Variants in WDR47 observed in about 807,000 individuals in gnomAD.
WDR47 encodes WD repeat-containing protein 47.
Under a neutral mutation model 97.2 loss-of-function variants are expected in WDR47, and 32 were observed. The observed-to-expected ratio is 0.33, with a 90% confidence interval of 0.25 to 0.44. WDR47 has a LOEUF of 0.44. Ranked by LOEUF, WDR47 falls within the 20% of genes least tolerant of loss-of-function variation. The pLI is 1.00. For missense variants in WDR47, 782 were observed against 1,102.3 expected, an observed-to-expected ratio of 0.71 and a Z score of 4.11; for synonymous variants, 375 against 373.5, an observed-to-expected ratio of 1.00 and a Z score of -0.05.
intron 1 of WDR47, among the ~76,000 whole-genome samples, chr1:109,028,362 G>GTTTGTTTTT (rs1662361700): frequency 1.3e-5 from 1 of 79,788 alleles, no homozygotes; most frequent in Non-Finnish European, 2.1e-5. Context: ...TTTTTGTTGG[G>GTTTGTTTTT]TTTTTTTTTT....
chr1:108,983,351 A>G lies in WDR47; in HGVS notation c.2026T>C (p.Leu676=), dbSNP rs780284353. The change falls in exon 11 of 15, where the codon TTA becomes CTA. Residue 676 remains leucine (L), a synonymous_variant. Coordinates refer to ENST00000369962, the MANE Select transcript of WDR47 (RefSeq NM_001142551.2). ...TATTTGTCATTTGATCCTGTTGCTA[A>G]TAACTGCCCACAAGGACTCCAGGCC... is the stretch of plus-strand genomic sequence containing the variant. ...CVAWSPCGQL[L]ATGSNDKYVK... 1 of 1,612,932 alleles carries G rather than the reference A, an allele frequency of 6.2e-7. No homozygotes were observed. Among genetic ancestry groups the G allele is most frequent in the East Asian group, 2.2e-5 (1 of 44,790 alleles).
At position 109,033,658 on chromosome 1, in the gene WDR47, T is replaced by C. The variant is rs138261582; in HGVS notation, c.-10+8204A>G. ...ACTGGGGACCAGATGTGGTGGCTCA[T>C]GCCTGTAATCCCAGCACTCTGGGAG... On this transcript the variant is annotated intron_variant, in intron 1 of 14. Coordinates refer to ENST00000369962, the MANE Select transcript of WDR47 (RefSeq NM_001142551.2). Among the ~76,000 whole-genome samples, 1,052 of 152,330 alleles carry C rather than the reference T, an allele frequency of 6.9e-3. 7 individuals are homozygous for C. The highest frequency in any genetic ancestry group is 0.023 in the South Asian group (112 of 4,826).
At chr1:108,988,980 A>G (rs1659092886) in intron 9 of WDR47, among the ~76,000 whole-genome samples, 1 of 152,020 alleles carries the variant, frequency 6.6e-6, no homozygotes, top group Non-Finnish European at 1.5e-5. Flanking sequence ...CTGGTCTCGA[A>G]CCCCTGAGCT....
At chr1:108,983,516 C>T in intron 10 of WDR47, 65 bp from the exon 11 acceptor site, 2 of 1,310,446 alleles carry the variant, frequency 1.5e-6, no homozygotes, top group South Asian at 2.2e-5. Context: ...TATGAGGTTC[C>T]ATATTATACT....
At position 109,041,875 on chromosome 1, in the gene WDR47, G is replaced by A. The variant is rs1663395703; in HGVS notation, c.-23C>T. 1 of 152,390 alleles carries A rather than the reference G, an allele frequency of 6.6e-6. No individual in the cohort carries two copies. Among genetic ancestry groups the A allele is most frequent in the Non-Finnish European group, 1.5e-5 (1 of 68,184 alleles). The allele number at this position is 152,390 out of a possible 1,614,324, so 9.4% of individuals were successfully genotyped here. On this transcript the variant is annotated 5_prime_UTR_variant, in exon 1 of 15. Transcript: ENST00000369962. ...GGAGTCACCCACCTGAGGGCTCCAG[G>A]GCAAGCCCGGAGGAGCGGCGGAGGA...
chr1:108,975,929 TA>T (rs1657855528), intron 13 of WDR47, among the ~76,000 whole-genome samples: 1 of 152,122 alleles, frequency 6.6e-6, no homozygotes, highest in Non-Finnish European at 1.5e-5. Flanking sequence ...AGGAAAAGTA[TA>T]AAACAGCTTA....
chr1:109,018,936 G>A (rs867311625), intron 2 of WDR47, among the ~76,000 whole-genome samples: 1 of 152,114 alleles, frequency 6.6e-6, no homozygotes, highest in South Asian at 2.1e-4. Flanking sequence ...GGGCATGGTG[G>A]TACATGCCTG....
intron 7 of WDR47, among the ~76,000 whole-genome samples, chr1:109,001,037 G>A (rs949712033): frequency 6.6e-5 from 10 of 151,960 alleles, no homozygotes; most frequent in Admixed American, 2.0e-4. Context: ...GCTCACACCC[G>A]TAATCCCAGC....
At chr1:108,972,656 T>C (rs1657549310) in intron 14 of WDR47, among the ~76,000 whole-genome samples, 1 of 152,046 alleles carries the variant, frequency 6.6e-6, no homozygotes, top group Non-Finnish European at 1.5e-5. Context: ...AAAAAATGTC[T>C]ATAGGCCGGG....
At chr1:109,040,409 C>T (rs148636023) in intron 1 of WDR47, among the ~76,000 whole-genome samples, 7 of 151,874 alleles carry the variant, frequency 4.6e-5, no homozygotes, top group Non-Finnish European at 4.4e-5. Flanking sequence ...AGGATAGTAC[C>T]CCTGTTCTCT....
intron 8 of WDR47, among the ~76,000 whole-genome samples, chr1:108,993,876 C>G (rs1209563453): frequency 3.3e-5 from 5 of 152,162 alleles, no homozygotes; most frequent in Non-Finnish European, 7.3e-5. Context: ...GAGGCAATTA[C>G]TGTCTCCAGG....
At chr1:109,022,511 T>C (rs2101994679) in intron 2 of WDR47, among the ~76,000 whole-genome samples, 1 of 152,326 alleles carries the variant, frequency 6.6e-6, no homozygotes. Context: ...TGACTCTTGT[T>C]CTTTTTAACA....
chr1:109,002,099 C>T, intron 7 of WDR47, 125 bp downstream of exon 7: 3 of 1,108,302 alleles, frequency 2.7e-6, no homozygotes, highest in Non-Finnish European at 3.8e-6. Flanking sequence ...ATATGTAACT[C>T]CACATTACTT....
At chr1:109,031,705 GTAA>G in intron 1 of WDR47, among the ~76,000 whole-genome samples, 1 of 137,742 alleles carries the variant, frequency 7.3e-6, no homozygotes, top group Non-Finnish European at 1.6e-5. Flanking sequence ...ATATAATGAA[GTAA>G]TAATATTTCA....
intron 2 of WDR47, among the ~76,000 whole-genome samples, chr1:109,021,181 G>GC (rs1661809520): frequency 6.6e-6 from 1 of 152,080 alleles, no homozygotes; most frequent in Non-Finnish European, 1.5e-5. Context: ...ACTTCACTTT[G>GC]CCTTGCAATT....
At chr1:108,987,572 A>G (rs1658936947) in intron 9 of WDR47, among the ~76,000 whole-genome samples, 1 of 152,034 alleles carries the variant, frequency 6.6e-6, no homozygotes, top group Admixed American at 6.6e-5. Flanking sequence ...GGTTCAAGTG[A>G]TTCTCCTGCC....
intron 1 of WDR47, among the ~76,000 whole-genome samples, chr1:109,034,610 A>G (rs1361183618): frequency 6.6e-6 from 1 of 152,182 alleles, no homozygotes; most frequent in Non-Finnish European, 1.5e-5. Flanking sequence ...CAGCAGTGGC[A>G]TTAGATTCTC....
intron 7 of WDR47, among the ~76,000 whole-genome samples, chr1:109,001,036 C>T (rs544919967): frequency 3.3e-5 from 5 of 151,528 alleles, no homozygotes; most frequent in African/African-American, 4.8e-5. Context: ...GGCTCACACC[C>T]GTAATCCCAG....
intron 1 of WDR47, among the ~76,000 whole-genome samples, chr1:109,024,064 T>C (rs565809931): frequency 7.9e-5 from 12 of 152,328 alleles, no homozygotes; most frequent in Admixed American, 2.0e-4. Flanking sequence ...TCAGGAGACA[T>C]TGGCCTTGCT....
Sources: allele counts gnomAD v4.1 joint callset (sites outside exome capture counted in the v4.1 genomes callset), GRCh38; gene constraint gnomAD v4.1.1; transcripts MANE v1.5; gene names NCBI Gene and HGNC (gene_info 2026-07-23, HGNC 2026-07-21).